The following NRG1 variants were observed in gnomAD, a reference collection of about 807,000 sequenced individuals.
NRG1 encodes pro-neuregulin-1, membrane-bound isoform.
A neutral mutation model predicts 63.8 loss-of-function variants in NRG1; 18 were observed. The observed-to-expected ratio is 0.28, with a 90% confidence interval of 0.19 to 0.42. The LOEUF is 0.42. Among genes scored for constraint, NRG1 ranks in the 10% least tolerant of loss-of-function variants. The pLI is 1.00. For missense variants in NRG1, 762 were observed against 814.7 expected (o/e 0.94, Z 0.79); for synonymous variants, 302 against 301.3 (o/e 1.00, Z -0.02).
intron 1 of NRG1, among the ~76,000 whole-genome samples, chr8:32,434,289 A>AT (rs1169780792): frequency 6.6e-6 from 1 of 152,214 alleles, no homozygotes; most frequent in Non-Finnish European, 1.5e-5. Context: ...TAAACGTTGT[A>AT]TATATGTTAT....
At chr8:31,768,488 A>T (rs1818297719) in intron 1 of NRG1, among the ~76,000 whole-genome samples, 1 of 152,182 alleles carries the variant, frequency 6.6e-6, no homozygotes, top group Non-Finnish European at 1.5e-5. Context: ...TGTGAAGATG[A>T]CTGGAATGTT....
chr8:31,982,248 G>T (rs1271747201), intron 1 of NRG1, among the ~76,000 whole-genome samples: 1 of 152,062 alleles, frequency 6.6e-6, no homozygotes, highest in Admixed American at 6.6e-5. Context: ...TTGCTATGGT[G>T]TAGAGAATAG....
At chr8:32,698,465 A>C (rs577457487) in intron 5 of NRG1, among the ~76,000 whole-genome samples, 1 of 152,342 alleles carries the variant, frequency 6.6e-6, no homozygotes, top group Non-Finnish European at 1.5e-5. Flanking sequence ...CATTTCAGCG[A>C]GGGCGTTTTA....
At chr8:31,753,085 A>G (rs999840392) in intron 1 of NRG1, among the ~76,000 whole-genome samples, 1 of 152,072 alleles carries the variant, frequency 6.6e-6, no homozygotes, top group South Asian at 2.1e-4. Context: ...ATTGACTAGA[A>G]GATCAGGAAG....
Position 32,695,273 on chromosome 8 carries a change from C to T in NRG1, c.503-32676C>T, listed in dbSNP as rs982863617. ...GAAGAATCGCTTGGACCTGGGAGTT[C>T]AAGGCTGCAGTGAGCTATGATGGTG... On this transcript the variant is annotated intron_variant, in intron 5 of 11. Transcript: ENST00000356819. Among the ~76,000 whole-genome samples the T allele has an allele frequency of 7.2e-5, 11 of 151,892 alleles. No homozygotes were observed. In the East Asian group the frequency reaches 1.2e-3, roughly 16 times the overall value.
intron 1 of NRG1, among the ~76,000 whole-genome samples, chr8:31,927,361 G>A (rs1367445135): frequency 6.6e-6 from 1 of 152,006 alleles, no homozygotes; most frequent in East Asian, 1.9e-4. Flanking sequence ...TTCTTGGATG[G>A]GGCCCAGAAA....
chr8:31,930,376 C>G (rs1222352656), intron 1 of NRG1, among the ~76,000 whole-genome samples: 1 of 152,156 alleles, frequency 6.6e-6, no homozygotes. Context: ...GCAAGTGGTA[C>G]AGTTTCTAGA....
intron 1 of NRG1, among the ~76,000 whole-genome samples, chr8:32,201,992 G>T (rs963104967): frequency 1.2e-4 from 19 of 152,136 alleles, no homozygotes; most frequent in African/African-American, 4.6e-4. Context: ...TAAACTCTCA[G>T]ATGTGAAAGG....
intron 1 of NRG1, among the ~76,000 whole-genome samples, chr8:31,934,771 A>G (rs957462265): frequency 1.3e-5 from 2 of 151,870 alleles, no homozygotes; most frequent in Non-Finnish European, 2.9e-5. Context: ...CTACCTACCT[A>G]TCTATTTTTT....
chr8:32,347,349 A>G (rs1216361183), intron 1 of NRG1, among the ~76,000 whole-genome samples: 2 of 152,096 alleles, frequency 1.3e-5, no homozygotes, highest in African/African-American at 2.4e-5. Flanking sequence ...TTCACGCTCT[A>G]TGGAGATCCT....
At chr8:32,750,597 G>A (rs1333239679) in intron 7 of NRG1, among the ~76,000 whole-genome samples, 1 of 151,350 alleles carries the variant, frequency 6.6e-6, no homozygotes, top group Admixed American at 6.6e-5. Flanking sequence ...CCTTCTTTTG[G>A]ATGATAACAT....
At chr8:31,648,378 C>T (rs144863256) in intron 1 of NRG1, among the ~76,000 whole-genome samples, 1,952 of 152,058 alleles carry the variant, frequency 0.013, 29 homozygotes, top group Non-Finnish European at 0.02. Flanking sequence ...GTGATCCGCC[C>T]GTCTCGGCCT....
At position 32,286,505 on chromosome 8, in the gene NRG1, G is replaced by T. The variant is rs182559121; in HGVS notation, c.38-309323G>T. On this transcript the variant is annotated intron_variant, in intron 1 of 10. Transcript: ENST00000519301. ...ACTTGATCCCTACAGTTATAGGTGGGGCTTAATAGGAGGTGTGTGGGTCAT... is the reference window on the plus strand; with the variant it reads ...ACTTGATCCCTACAGTTATAGGTGGTGCTTAATAGGAGGTGTGTGGGTCAT... Among the ~76,000 whole-genome samples, 24 of 152,308 alleles carry T rather than the reference G, an allele frequency of 1.6e-4. No individual in the cohort carries two copies. The East Asian group carries it at 4.6e-3, about 29-fold the overall frequency.
At position 32,644,075 on chromosome 8, in the gene NRG1, T is replaced by TA. The variant is rs201900567; in HGVS notation, c.502+27200dup. ...ACCTAAGCTGCCTGGGCCAATGAAATAAAAAAAAAATTTAAGATAAATATG... is the reference window on the plus strand; with the variant it reads ...ACCTAAGCTGCCTGGGCCAATGAAATAAAAAAAAAAATTTAAGATAAATATG... On this transcript the variant is annotated intron_variant, in intron 5 of 11. Transcript: ENST00000356819. Among the ~76,000 whole-genome samples the TA allele has an allele frequency of 7.9e-3, 1,193 of 150,206 alleles. 7 individuals carry two copies. Among genetic ancestry groups the TA allele is most frequent in the Middle Eastern group, 0.024 (7 of 294 alleles).
rs188704984 is a variant in NRG1, at chr8:32,747,083, C to T, written c.691+4350C>T. Among the ~76,000 whole-genome samples the T allele has an allele frequency of 2.6e-3, 401 of 151,410 alleles. 1 individual carries two copies. Among genetic ancestry groups the T allele is most frequent in the African/African-American group, 6.3e-3 (260 of 41,264 alleles). Reference sequence around the variant, plus strand: ...GAGCTGCCTGATATGAATGACTTCCCGTGAAATGAAATTATAGTTAGGCTG... The same window carrying T: ...GAGCTGCCTGATATGAATGACTTCCTGTGAAATGAAATTATAGTTAGGCTG... On this transcript the variant is annotated intron_variant, in intron 7 of 11. Coordinates refer to ENST00000356819, the Ensembl canonical transcript of NRG1.
At chr8:32,137,191 G>A (rs7016817) in intron 1 of NRG1, among the ~76,000 whole-genome samples, 105,183 of 152,030 alleles carry the variant, frequency 0.69, 37,262 homozygotes, top group African/African-American at 0.74. Flanking sequence ...CATGCCTGTA[G>A]TCCCAGCACT....
intron 1 of NRG1, among the ~76,000 whole-genome samples, chr8:32,136,497 C>G (rs1835545122): frequency 6.6e-6 from 1 of 152,182 alleles, no homozygotes; most frequent in South Asian, 2.1e-4. Context: ...CTTCACTACT[C>G]TTCACAGATA....
At chr8:32,344,800 A>G (rs1008000107) in intron 1 of NRG1, among the ~76,000 whole-genome samples, 8 of 151,976 alleles carry the variant, frequency 5.3e-5, no homozygotes, top group Non-Finnish European at 1.2e-4. Context: ...TTTGCAATTC[A>G]AAATATAAAA....
At chr8:31,734,605 G>A (rs955525646) in intron 1 of NRG1, among the ~76,000 whole-genome samples, 6 of 152,160 alleles carry the variant, frequency 3.9e-5, no homozygotes, top group Admixed American at 3.9e-4. Context: ...TTAGGAACAA[G>A]TAGATTCTTC....
Sources: gnomAD v4.1 joint callset for allele counts (sites outside exome capture counted in the v4.1 genomes callset) on GRCh38, gnomAD v4.1.1 for gene constraint, MANE v1.5 for transcripts, NCBI Gene and HGNC (gene_info 2026-07-23, HGNC 2026-07-21) for gene names.